Variants in ZC3H12B observed in about 807,000 individuals in gnomAD.
The protein encoded by ZC3H12B is probable ribonuclease ZC3H12B.
Under a neutral mutation model 43.9 loss-of-function variants are expected in ZC3H12B, and 7 were observed. The observed-to-expected ratio is 0.16, with a 90% CI of 0.09 to 0.30. ZC3H12B has a LOEUF of 0.30. Ranked by LOEUF, ZC3H12B falls within the 10% of genes least tolerant of loss-of-function variation. The pLI, the probability that ZC3H12B is intolerant of heterozygous loss-of-function variation, is 1.00. For synonymous variants in ZC3H12B, 222 were observed against 241.7 expected (o/e 0.92, Z 0.76); for missense variants, 475 against 670.2 (o/e 0.71, Z 3.22).
At chrX:65,209,692 A>G in the ZC3H12B span, among the ~76,000 whole-genome samples, 4 of 110,214 alleles carry the variant, frequency 3.6e-5, no homozygotes, top group Non-Finnish European at 7.6e-5. Flanking sequence ...AGTAACCAAA[A>G]CAGCATGGTA....
At chrX:65,303,574 C>A in the ZC3H12B span, among the ~76,000 whole-genome samples, 1 of 111,362 alleles carries the variant, frequency 9.0e-6, no homozygotes, top group African/African-American at 3.3e-5. Flanking sequence ...ATAGCTAGTA[C>A]AAAACTTAAT....
the ZC3H12B span, chrX:65,272,270 T>A: frequency 3.8e-5 from 3 of 78,148 alleles, no homozygotes; most frequent in South Asian, 4.9e-4. Context: ...CTAAATTTAG[T>A]AAAAAAAAAA....
Position 65,408,111 on chromosome X carries a change from C to A in ZC3H12B, n.407+9407C>A. The A allele has an allele frequency of 4.2e-6, 5 of 1,197,661 alleles. No individual in the cohort carries two copies. In the South Asian group the frequency reaches 5.4e-5, roughly 13 times the overall value. ...TTCCCGCAGAGCCGGCACCCGACGC[C>A]GCACCAGGCTGCAGGCCAGCCCTTC... On this transcript the variant is annotated intron_variant and non_coding_transcript_variant, in intron 3 of 5. Transcript: ENST00000617377.
the ZC3H12B span, among the ~76,000 whole-genome samples, chrX:65,247,935 A>G: frequency 1.8e-5 from 2 of 112,423 alleles, no homozygotes; most frequent in East Asian, 2.8e-4. Flanking sequence ...GAAATTGCTA[A>G]CATGCCTTAA....
the ZC3H12B span, among the ~76,000 whole-genome samples, chrX:65,276,493 T>C: frequency 9.0e-6 from 1 of 111,158 alleles, no homozygotes; most frequent in Non-Finnish European, 1.9e-5. Context: ...AGACTAACAG[T>C]GGATTTCTCA....
At chrX:65,325,879 A>T in the ZC3H12B span, among the ~76,000 whole-genome samples, 1 of 111,866 alleles carries the variant, frequency 8.9e-6, no homozygotes, top group African/African-American at 3.2e-5. Flanking sequence ...TATACAGCCC[A>T]GAAATAAATA....
At chrX:65,329,107 C>T in the ZC3H12B span, among the ~76,000 whole-genome samples, 1 of 111,196 alleles carries the variant, frequency 9.0e-6, no homozygotes, top group Admixed American at 9.5e-5. Flanking sequence ...AGTTCTAGAT[C>T]CCTGAGGAAT....
the ZC3H12B span, among the ~76,000 whole-genome samples, chrX:65,325,092 T>C: frequency 0.14 from 15,836 of 110,713 alleles, 2,736 homozygotes; most frequent in African/African-American, 0.49. Context: ...TTTTATCTTA[T>C]ATAAATATTT....
At chrX:65,040,684 T>A in the ZC3H12B span, among the ~76,000 whole-genome samples, 1 of 111,036 alleles carries the variant, frequency 9.0e-6, no homozygotes, top group African/African-American at 3.3e-5. Flanking sequence ...AATAAATATA[T>A]GAGAATGATT....
chrX:65,159,959 A>T, the ZC3H12B span, among the ~76,000 whole-genome samples: 10 of 111,744 alleles, frequency 8.9e-5, no homozygotes, highest in South Asian at 3.7e-4. Flanking sequence ...TTTATTGAGA[A>T]ATTTTAGCAT....
the ZC3H12B span, among the ~76,000 whole-genome samples, chrX:65,041,607 A>G: frequency 8.9e-6 from 1 of 112,082 alleles, no homozygotes; most frequent in Non-Finnish European, 1.9e-5. Flanking sequence ...TGTAGTAGCA[A>G]TGTTATCTGC....
chrX:65,372,365 G>A (rs1234247164), intron 2 of ZC3H12B, among the ~76,000 whole-genome samples: 1 of 111,155 alleles, frequency 9.0e-6, no homozygotes, highest in African/African-American at 3.3e-5. Context: ...CAACTGTGTT[G>A]GGGAAGCAAC....
the ZC3H12B span, among the ~76,000 whole-genome samples, chrX:65,087,820 T>C: frequency 1.8e-5 from 2 of 111,957 alleles, no homozygotes; most frequent in African/African-American, 6.5e-5. Flanking sequence ...AAGCAACAGG[T>C]AAATACTACT....
chrX:65,295,738 A>G, the ZC3H12B span, among the ~76,000 whole-genome samples: 1 of 111,712 alleles, frequency 9.0e-6, no homozygotes, highest in South Asian at 3.7e-4. Flanking sequence ...CACTAAAACC[A>G]CAGAAATACA....
chrX:65,258,814 G>A, the ZC3H12B span, among the ~76,000 whole-genome samples: 6 of 110,863 alleles, frequency 5.4e-5, no homozygotes, highest in East Asian at 5.6e-4. Flanking sequence ...AATTCCATTC[G>A]CAATAGCCAC....
intron 3 of ZC3H12B, among the ~76,000 whole-genome samples, chrX:65,443,569 A>T (rs1219581841): frequency 8.9e-6 from 1 of 112,756 alleles, no homozygotes; most frequent in Non-Finnish European, 1.9e-5. Flanking sequence ...AACTAAAAGT[A>T]TCCCTTAAGG....
At chrX:65,497,206 A>C in exon 2 of ZC3H12B, 7 of 1,210,220 alleles carry the variant, frequency 5.8e-6, no homozygotes, top group Non-Finnish European at 6.7e-6. Context: ...AAAGGCCATA[A>C]AGATATTACT....
At chrX:65,202,144 T>C in the ZC3H12B span, among the ~76,000 whole-genome samples, 1 of 71,219 alleles carries the variant, frequency 1.4e-5, no homozygotes, top group Non-Finnish European at 2.1e-5. Context: ...TTTTATATAA[T>C]ATGAAATATA....
At chrX:65,344,489 A>G in the ZC3H12B span, among the ~76,000 whole-genome samples, 1 of 112,334 alleles carries the variant, frequency 8.9e-6, no homozygotes, top group African/African-American at 3.2e-5. Context: ...CTATTCACCA[A>G]ATGGTACTTG....
Sources: gnomAD v4.1 joint callset for allele counts (sites outside exome capture counted in the v4.1 genomes callset) on GRCh38, gnomAD v4.1.1 for gene constraint, MANE v1.5 for transcripts, NCBI Gene and HGNC (gene_info 2026-07-23, HGNC 2026-07-21) for gene names.